The following CERCAM variants were observed in gnomAD, a reference collection of about 807,000 sequenced individuals.
The protein encoded by CERCAM is inactive glycosyltransferase 25 family member 3.
A neutral mutation model predicts 66.0 loss-of-function variants in CERCAM; 59 were observed. The observed-to-expected ratio is 0.89, with a 90% CI of 0.73 to 1.11. The LOEUF is 1.11. CERCAM is among the 50% of genes most tolerant of loss of function. CERCAM has a pLI of 0.00. For synonymous variants in CERCAM, 318 were observed against 343.6 expected (o/e 0.93, Z 0.83); for missense variants, 840 against 828.3 (o/e 1.01, Z -0.17).
upstream of CERCAM, chr9:128,419,869 CT>C (rs11349095): frequency 0.043 from 6,290 of 145,582 alleles, 337 homozygotes; most frequent in African/African-American, 0.13. Context: ...GGGCTGTGCT[CT>C]TTTTTTTTTT....
Position 128,431,182 on chromosome 9 carries a change from G to T in CERCAM, c.1082G>T (p.Ser361Ile). ...CCTGTGTCCCTCAGGATGCTCAACA[G>T]CAGTGCCATCAGGAACCTCGGCGTA... ...VDAVDGWMLN[S>I]SAIRNLGVDL... The change falls in exon 9 of 13, where the codon AGC (serine) becomes ATC (isoleucine). Residue 361 changes from serine (S) to isoleucine (I), a missense_variant. Transcript: ENST00000372838. 1 of 1,613,820 alleles carries T rather than the reference G, an allele frequency of 6.2e-7. No homozygotes were observed. The highest frequency in any genetic ancestry group is 8.5e-7 in the Non-Finnish European group (1 of 1,180,018).
intron 5 of CERCAM, among the ~76,000 whole-genome samples, chr9:128,427,492 A>G (rs1329768550): frequency 6.6e-6 from 1 of 150,912 alleles, no homozygotes; most frequent in Non-Finnish European, 1.5e-5. Context: ...GGCCGGGTGC[A>G]GTGGCTCACG....
intron 7 of CERCAM, 38 bp from the exon 8 acceptor site, chr9:128,428,892 T>C (rs772072777): frequency 6.2e-7 from 1 of 1,607,616 alleles, no homozygotes; most frequent in Non-Finnish European, 8.5e-7. Context: ...CCTCTTCCGC[T>C]CCCTTGCACT....
At chr9:128,423,395 T>C (rs563367993) in intron 3 of CERCAM, 132 bp downstream of exon 3, 38 of 701,092 alleles carry the variant, frequency 5.4e-5, no homozygotes, top group South Asian at 3.8e-4. Context: ...GGCAGGTGGA[T>C]CACCTGAGGT....
chr9:128,434,149 G>T lies in CERCAM; in HGVS notation c.1251G>T (p.Val417=). Residue 417 remains valine (V), a synonymous_variant, in exon 10 of 13, where the codon GTG becomes GTT. Transcript: ENST00000372838. This position sits in a 1 kb window ranked among gnomAD's most constrained non-coding sequence, Gnocchi z 4.5. The part of the protein sequence containing the change: ...LARVLVFEDD[V]RFESNFRGRL... ...GGGTCCTGGTGTTTGAGGATGACGT[G>T]CGCTTTGAGAGCAACTTCAGGGGGC... is the stretch of plus-strand genomic sequence containing the variant. 6.2e-7 allele frequency: 1 copy of T among 1,614,148 alleles called. No individual in the cohort carries two copies. The highest frequency in any genetic ancestry group is 8.5e-7 in the Non-Finnish European group (1 of 1,180,016).
chr9:128,423,624 A>C (rs937650586), intron 3 of CERCAM, among the ~76,000 whole-genome samples: 3 of 151,920 alleles, frequency 2.0e-5, no homozygotes, highest in Non-Finnish European at 4.4e-5. Flanking sequence ...TCTCAAAAAA[A>C]AAAAAAAAAG....
Position 128,424,505 on chromosome 9 carries a change from A to C in CERCAM, c.657A>C (p.Ala219=). The stretch of plus-strand genomic sequence containing the variant: ...CCATGGTCCACTCCACCTTCCTTGC[A>C]TCCCTGCGGGCTGAAGGGGCAGACC... ...RVPMVHSTFL[A]SLRAEGADQL... The change falls in exon 5 of 13, where the codon GCA becomes GCC. Residue 219 remains alanine (A), a synonymous_variant. Coordinates refer to ENST00000372838, the MANE Select transcript of CERCAM (RefSeq NM_016174.5). 2.5e-6 allele frequency: 4 copies of C among 1,613,782 alleles called. No homozygotes were observed. The highest frequency in any genetic ancestry group is 3.4e-6 in the Non-Finnish European group (4 of 1,179,962).
At chr9:128,425,916 C>A (rs1383970530) in intron 5 of CERCAM, among the ~76,000 whole-genome samples, 4 of 151,014 alleles carry the variant, frequency 2.6e-5, no homozygotes, top group East Asian at 3.9e-4. Flanking sequence ...TGACCTCCCC[C>A]ACCTCAGCCT....
In CERCAM at chr9:128,424,529, C is replaced by A. The variant is rs867634325; in HGVS notation, c.681C>A (p.Asp227Glu). 9.9e-6 allele frequency: 16 copies of A among 1,614,148 alleles called. No individual in the cohort carries two copies. The highest frequency in any genetic ancestry group is 1.4e-5 in the Non-Finnish European group (16 of 1,180,022). ...FLASLRAEGA[D>E]QLAFYPPHPN... ...CATCCCTGCGGGCTGAAGGGGCAGA[C>A]CAGCTTGCTTTCTACCCGCCACATC... is the stretch of plus-strand genomic sequence containing the variant. The change falls in exon 5 of 13, where the codon GAC (aspartate) becomes GAA (glutamate). Residue 227 changes from aspartate to glutamate, a missense_variant. Physicochemically the swap from Asp to Glu is conservative, Grantham distance 45. Coordinates refer to ENST00000372838, the MANE Select transcript of CERCAM (RefSeq NM_016174.5).
chr9:128,435,526 C>T (rs538039587), intron 11 of CERCAM, 127 bp from the exon 12 acceptor site: 125 of 984,488 alleles, frequency 1.3e-4, no homozygotes, highest in Non-Finnish European at 1.7e-4. Context: ...TGCTCAGGGC[C>T]GCTGTGAGGA....
rs755674758 is a variant in CERCAM, at chr9:128,428,985, C to G, written c.1019C>G (p.Ser340Trp). The change falls in exon 8 of 13, where the codon TCG becomes TGG. Residue 340 changes from serine to tryptophan, a missense_variant. Physicochemically the swap from Ser to Trp is radical, Grantham distance 177. Coordinates refer to ENST00000372838, the MANE Select transcript of CERCAM (RefSeq NM_016174.5). ...GACCGTCGGGAACGCATGCTCGCCT[C>G]GCTCTGGGAGATGGAGATCTCTGGG... The part of the protein sequence containing the change: ...RPDRRERMLA[S>W]LWEMEISGRV... The G allele has an allele frequency of 1.9e-6, 3 of 1,611,120 alleles. No homozygotes were observed. Among genetic ancestry groups the G allele is most frequent in the Admixed American group, 1.7e-5 (1 of 59,738 alleles).
chr9:128,422,709 C>T, intron 1 of CERCAM, 159 bp from the exon 2 acceptor site: 1 of 746,460 alleles, frequency 1.3e-6, no homozygotes, highest in Non-Finnish European at 2.1e-6. Flanking sequence ...TGGTGGGGAC[C>T]TGGCTGTGCT....
chr9:128,431,426 C>G, intron 9 of CERCAM, 123 bp downstream of exon 9: 1 of 1,324,098 alleles, frequency 7.6e-7, no homozygotes. Flanking sequence ...CAGCAGCTTT[C>G]AATCTCCTCT....
At position 128,428,635 on chromosome 9, in the gene CERCAM, G is replaced by A. The variant is rs1833901713; in HGVS notation, c.887-122G>A. The A allele has an allele frequency of 2.5e-6, 3 of 1,190,698 alleles. No homozygotes were observed. In the East Asian group the frequency reaches 7.1e-5, roughly 28 times the overall value. 73.8% of individuals were successfully genotyped at this position (1,190,698 alleles called of 1,614,324 possible). ...GGCAGGTGGATCCTGTGATCTCTGA[G>A]GTCCCGTCCTGTGGGGTGTTCTGCC... On this transcript the variant is annotated intron_variant, in intron 6 of 12. Coordinates refer to ENST00000372838, the MANE Select transcript of CERCAM (RefSeq NM_016174.5).
intron 9 of CERCAM, among the ~76,000 whole-genome samples, chr9:128,432,942 T>TG (rs1250804451): frequency 6.6e-6 from 1 of 150,950 alleles, no homozygotes; most frequent in Non-Finnish European, 1.5e-5. Flanking sequence ...AAGACCAGCC[T>TG]GGCCAACGTG....
At chr9:128,424,765 CTT>C (rs767789425) in intron 5 of CERCAM, 151 bp downstream of exon 5, 12,979 of 547,770 alleles carry the variant, frequency 0.024, no homozygotes, top group South Asian at 0.031. Context: ...TTTTCTCTCT[CTT>C]TTTTTTTTTT....
intron 9 of CERCAM, among the ~76,000 whole-genome samples, chr9:128,432,286 A>G (rs1311642947): frequency 1.3e-5 from 2 of 151,968 alleles, no homozygotes; most frequent in Admixed American, 1.3e-4. Context: ...TCGGCCTCCC[A>G]AAGTGCTGGA....
chr9:128,429,101 C>T (rs1054921689), intron 8 of CERCAM, 65 bp downstream of exon 8: 20 of 1,197,678 alleles, frequency 1.7e-5, no homozygotes, highest in South Asian at 7.3e-5. Flanking sequence ...TCTCCTAGCC[C>T]GCTAGGACTG....
chr9:128,433,487 C>G (rs1387627931), intron 9 of CERCAM, among the ~76,000 whole-genome samples: 1 of 152,074 alleles, frequency 6.6e-6, no homozygotes, highest in African/African-American at 2.4e-5. Flanking sequence ...GTCATGCTTG[C>G]ACTCAGGCAG....
Sources: allele counts gnomAD v4.1 joint callset (sites outside exome capture counted in the v4.1 genomes callset), GRCh38; gene constraint gnomAD v4.1.1; non-coding constraint Gnocchi (gnomAD v3.1); transcripts MANE v1.5; gene names NCBI Gene and HGNC (gene_info 2026-07-23, HGNC 2026-07-21).